The following QTGAL variants were observed in gnomAD, a reference collection of about 807,000 sequenced individuals.
The protein encoded by QTGAL is BGnT-like protein 1.
chr17:83,019,793 G>A, the QTGAL span, among the ~76,000 whole-genome samples: 3 of 152,030 alleles, frequency 2.0e-5, no homozygotes, highest in Non-Finnish European at 4.4e-5. Context: ...GAGTGCAGTG[G>A]CGCAATCTTG....
the QTGAL span, among the ~76,000 whole-genome samples, chr17:82,962,653 A>T: frequency 0.088 from 10,866 of 123,210 alleles, 618 homozygotes; most frequent in Middle Eastern, 0.12. Context: ...GTGGACACGG[A>T]CCCTCGCAGG....
the QTGAL span, among the ~76,000 whole-genome samples, chr17:83,010,871 C>G: frequency 6.6e-6 from 1 of 152,202 alleles, no homozygotes; most frequent in Non-Finnish European, 1.5e-5. Context: ...CAGGAACCCT[C>G]CCGTCTTTGT....
At chr17:83,013,337 T>G in the QTGAL span, among the ~76,000 whole-genome samples, 3 of 140,620 alleles carry the variant, frequency 2.1e-5, no homozygotes, top group East Asian at 2.6e-4. Context: ...TGCAGCCGGC[T>G]GCACCCCCAG....
chr17:82,950,791 G>C, the QTGAL span, among the ~76,000 whole-genome samples: 1 of 152,188 alleles, frequency 6.6e-6, no homozygotes, highest in African/African-American at 2.4e-5. Context: ...ATGAGCAGTC[G>C]TATTTTGAAA....
At chr17:83,024,331 T>G in the QTGAL span, among the ~76,000 whole-genome samples, 1 of 152,206 alleles carries the variant, frequency 6.6e-6, no homozygotes, top group Non-Finnish European at 1.5e-5. Context: ...ATCGACTCCC[T>G]CCTAGAGGTG....
chr17:83,006,475 G>C, the QTGAL span: 1 of 984,782 alleles, frequency 1.0e-6, no homozygotes, highest in Non-Finnish European at 1.2e-6. This position sits in a 1 kb window ranked among gnomAD's most constrained non-coding sequence, Gnocchi z 5.8. Context: ...ACTTCCTCTG[G>C]TGGTAACATC....
At chr17:82,992,888 T>A in the QTGAL span, among the ~76,000 whole-genome samples, 1 of 152,198 alleles carries the variant, frequency 6.6e-6, no homozygotes, top group African/African-American at 2.4e-5. Context: ...TAGTATTAAG[T>A]TGTTATTAGC....
chr17:82,971,227 G>A, the QTGAL span, among the ~76,000 whole-genome samples: 57 of 152,312 alleles, frequency 3.7e-4, no homozygotes, highest in African/African-American at 1.1e-3. Context: ...ACAGAATTAC[G>A]CATCTGTCTG....
chr17:82,957,807 A>C, the QTGAL span, among the ~76,000 whole-genome samples: 1 of 152,164 alleles, frequency 6.6e-6, no homozygotes, highest in Non-Finnish European at 1.5e-5. Flanking sequence ...GACTTGACCC[A>C]AGTCCAGTTT....
the QTGAL span, chr17:82,942,224 C>T: frequency 1.1e-4 from 66 of 598,490 alleles, no homozygotes; most frequent in South Asian, 1.3e-3. Flanking sequence ...TGCAGTGAAC[C>T]TCCCTTCCCG....
At chr17:83,020,190 CAG>C in the QTGAL span, among the ~76,000 whole-genome samples, 259 of 151,584 alleles carry the variant, frequency 1.7e-3, 2 homozygotes, top group African/African-American at 5.9e-3. Context: ...AGATGGAAAA[CAG>C]AGAGAAAAAA....
chr17:82,948,125 G>A, the QTGAL span: 2 of 152,232 alleles, frequency 1.3e-5, no homozygotes. Context: ...GCGTGCAGTA[G>A]GCCGGTGGGG....
chr17:83,005,417 C>T, the QTGAL span, among the ~76,000 whole-genome samples: 1 of 152,014 alleles, frequency 6.6e-6, no homozygotes, highest in East Asian at 1.9e-4. This position sits in a 1 kb window ranked among gnomAD's most constrained non-coding sequence, Gnocchi z 5.6. Context: ...AGCATAGCAA[C>T]GATGGGCACG....
chr17:83,028,960 A>G, the QTGAL span, among the ~76,000 whole-genome samples: 1 of 152,230 alleles, frequency 6.6e-6, no homozygotes, highest in East Asian at 1.9e-4. Context: ...CATCCGGCTG[A>G]GTGGAAAGAG....
At chr17:82,963,265 G>A in the QTGAL span, among the ~76,000 whole-genome samples, 6 of 152,262 alleles carry the variant, frequency 3.9e-5, no homozygotes, top group Admixed American at 6.5e-5. Context: ...AAAGGAAGCC[G>A]AGTCAGGGAC....
At chr17:83,048,432 C>A in the QTGAL span, 1 of 1,532,282 alleles carries the variant, frequency 6.5e-7, no homozygotes, top group Non-Finnish European at 9.0e-7. Context: ...GATAAGAAAC[C>A]ACGAATTATA....
At chr17:83,014,521 T>G in the QTGAL span, 36 of 1,613,930 alleles carry the variant, frequency 2.2e-5, no homozygotes, top group Non-Finnish European at 2.6e-5. Context: ...GACGTCATCC[T>G]GCAGTAAAGA....
the QTGAL span, among the ~76,000 whole-genome samples, chr17:83,015,009 T>A: frequency 9.9e-5 from 15 of 150,924 alleles, no homozygotes; most frequent in African/African-American, 3.6e-4. The surrounding 1 kb of genome is among the most constrained non-coding windows in gnomAD (Gnocchi z 4.4). Flanking sequence ...AGGGGGACCG[T>A]CTGCAGTGAA....
the QTGAL span, among the ~76,000 whole-genome samples, chr17:83,019,082 TG>T: frequency 6.6e-6 from 1 of 152,138 alleles, no homozygotes; most frequent in African/African-American, 2.4e-5. Context: ...GCCGCCGGAA[TG>T]GAAGTTAAGA....
Sources: allele counts gnomAD v4.1 joint callset (sites outside exome capture counted in the v4.1 genomes callset), GRCh38; gene constraint gnomAD v4.1.1; non-coding constraint Gnocchi (gnomAD v3.1); transcripts MANE v1.5; gene names NCBI Gene and HGNC (gene_info 2026-07-23, HGNC 2026-07-21).